Variants in PLXNA4 observed in about 807,000 individuals in gnomAD.
The protein encoded by PLXNA4 is plexin-A4.
A neutral mutation model predicts 191.8 loss-of-function variants in PLXNA4; 44 were observed. The observed-to-expected ratio is 0.23, with a 90% CI of 0.18 to 0.29. The LOEUF (loss-of-function observed/expected upper bound fraction) is 0.29. PLXNA4 is among the 10% of genes least tolerant of loss of function. The pLI, the probability that PLXNA4 is intolerant of heterozygous loss-of-function variation, is 1.00. For missense variants in PLXNA4, 1,800 were observed against 2,488.8 expected (o/e 0.72, Z 5.89); for synonymous variants, 1,082 against 1,009.5 (o/e 1.07, Z -1.36).
At chr7:132,496,253 C>T (rs1798006710) in intron 2 of PLXNA4, among the ~76,000 whole-genome samples, 3 of 152,198 alleles carry the variant, frequency 2.0e-5, no homozygotes, top group Non-Finnish European at 4.4e-5. Flanking sequence ...AACTCAGGAT[C>T]ATAAAATCCA....
intron 2 of PLXNA4, among the ~76,000 whole-genome samples, chr7:132,588,635 G>GGAAGGGAAGGGAAGA (rs1225608332): frequency 1.5e-3 from 6 of 4,132 alleles, no homozygotes; most frequent in African/African-American, 2.7e-3. Context: ...GAGGAAGGAA[G>GGAAGGGAAGGGAAGA]GAAGGGAAGG....
At chr7:132,445,569 C>A (rs1795875321) in intron 3 of PLXNA4, among the ~76,000 whole-genome samples, 1 of 152,056 alleles carries the variant, frequency 6.6e-6, no homozygotes, top group Non-Finnish European at 1.5e-5. Flanking sequence ...ATGGTCACAG[C>A]TATGTAGCTT....
chr7:132,294,077 C>G (rs528319894), intron 4 of PLXNA4, among the ~76,000 whole-genome samples: 1 of 152,254 alleles, frequency 6.6e-6, no homozygotes, highest in East Asian at 1.9e-4. Context: ...TAATACAGAA[C>G]AATTATTAAG....
At chr7:132,384,110 G>A in intron 3 of PLXNA4, 1 of 985,410 alleles carries the variant, frequency 1.0e-6, no homozygotes, top group Non-Finnish European at 1.2e-6. Flanking sequence ...GCACACAGAT[G>A]AAGGTTCTCA....
intron 3 of PLXNA4, among the ~76,000 whole-genome samples, chr7:132,452,624 C>T (rs894578492): frequency 6.6e-6 from 1 of 152,204 alleles, no homozygotes; most frequent in African/African-American, 2.4e-5. Context: ...GGGCCTGATA[C>T]TCTACCCTCT....
At position 132,351,635 on chromosome 7, in the gene PLXNA4, T is replaced by C. The variant is rs573727188; in HGVS notation, c.1372-53413A>G. Among the ~76,000 whole-genome samples the C allele has an allele frequency of 2.0e-3, 304 of 152,246 alleles. 2 individuals carry two copies. The highest frequency in any genetic ancestry group is 6.8e-3 in the African/African-American group (282 of 41,554). On this transcript the variant is annotated intron_variant, in intron 3 of 31. Transcript: ENST00000321063. ...TTCCCATCCACCTTCTCCATTACAA[T>C]GGAAGGCAACAAAGCCAACAGGAAG...
At chr7:132,584,732 C>T (rs1802475763) in intron 2 of PLXNA4, among the ~76,000 whole-genome samples, 1 of 152,168 alleles carries the variant, frequency 6.6e-6, no homozygotes, top group South Asian at 2.1e-4. Flanking sequence ...GAGTGAGAAA[C>T]AGAGCGATAT....
At chr7:132,149,858 C>T (rs532403563) in intron 25 of PLXNA4, among the ~76,000 whole-genome samples, 3 of 152,304 alleles carry the variant, frequency 2.0e-5, no homozygotes, top group South Asian at 2.1e-4. Context: ...CCATGACCAG[C>T]CACATTTGTG....
intron 3 of PLXNA4, among the ~76,000 whole-genome samples, chr7:132,305,660 T>C (rs1340664703): frequency 6.6e-6 from 1 of 152,200 alleles, no homozygotes; most frequent in East Asian, 1.9e-4. Flanking sequence ...TGTTTGTTTA[T>C]TGGAACATTA....
At chr7:132,226,331 A>G in intron 7 of PLXNA4, 71 bp from the exon 8 acceptor site, 2 of 1,338,332 alleles carry the variant, frequency 1.5e-6, no homozygotes, top group Non-Finnish European at 2.1e-6. Flanking sequence ...GACCAGTGAC[A>G]CCTGCTGGAA....
chr7:132,462,163 T>C (rs1448251522), intron 3 of PLXNA4, among the ~76,000 whole-genome samples: 2 of 152,184 alleles, frequency 1.3e-5, no homozygotes, highest in East Asian at 3.9e-4. Flanking sequence ...AGGACTAAAA[T>C]CATACTGTTT....
intron 4 of PLXNA4, among the ~76,000 whole-genome samples, chr7:132,281,942 T>C (rs1438178089): frequency 6.6e-6 from 1 of 152,220 alleles, no homozygotes; most frequent in African/African-American, 2.4e-5. Flanking sequence ...ATAATATCTG[T>C]CACACATAAA....
At chr7:132,355,219 C>T (rs1585028544) in intron 3 of PLXNA4, among the ~76,000 whole-genome samples, 1 of 152,202 alleles carries the variant, frequency 6.6e-6, no homozygotes, top group East Asian at 1.9e-4. Context: ...AGGGATGACG[C>T]TTCCTGCTAA....
intron 5 of PLXNA4, among the ~76,000 whole-genome samples, chr7:132,231,424 T>C (rs772889378): frequency 2.0e-5 from 3 of 152,164 alleles, no homozygotes; most frequent in Non-Finnish European, 4.4e-5. Context: ...AGAATGAGTG[T>C]TTTTTATTTT....
At chr7:132,214,604 G>A (rs56839715) in intron 9 of PLXNA4, among the ~76,000 whole-genome samples, 1 of 152,134 alleles carries the variant, frequency 6.6e-6, no homozygotes, top group African/African-American at 2.4e-5. Flanking sequence ...TGAGATTCCA[G>A]ATGCAAAATC....
intron 4 of PLXNA4, among the ~76,000 whole-genome samples, chr7:132,254,575 T>C (rs1479057854): frequency 6.6e-6 from 1 of 152,218 alleles, no homozygotes; most frequent in African/African-American, 2.4e-5. Context: ...GCAACGTCCC[T>C]TCTTGCCTTT....
At chr7:132,450,640 C>T (rs1257521836) in intron 3 of PLXNA4, among the ~76,000 whole-genome samples, 1 of 152,190 alleles carries the variant, frequency 6.6e-6, no homozygotes, top group Non-Finnish European at 1.5e-5. Context: ...CAACTGAAGT[C>T]AACGGTGGCA....
intron 2 of PLXNA4, among the ~76,000 whole-genome samples, chr7:132,630,200 CT>C (rs1383962892): frequency 2.0e-5 from 3 of 152,108 alleles, no homozygotes; most frequent in Admixed American, 6.5e-5. Flanking sequence ...GGACCATGCC[CT>C]TATGACCTCA....
chr7:132,349,607 AAGG>A (rs1803399862), intron 3 of PLXNA4, among the ~76,000 whole-genome samples: 1 of 152,164 alleles, frequency 6.6e-6, no homozygotes, highest in African/African-American at 2.4e-5. Context: ...CCTGACAGTA[AAGG>A]AGCTCATCCT....
Sources: gnomAD v4.1 joint callset for allele counts (sites outside exome capture counted in the v4.1 genomes callset) on GRCh38, gnomAD v4.1.1 for gene constraint, MANE v1.5 for transcripts, NCBI Gene and HGNC (gene_info 2026-07-23, HGNC 2026-07-21) for gene names.